CFAP77: variants seen among roughly 807,000 people sequenced by gnomAD.
CFAP77 encodes the protein cilia- and flagella-associated protein 77.
Under a neutral mutation model 31.1 loss-of-function variants are expected in CFAP77, and 25 were observed. The ratio of observed to expected loss-of-function variants is 0.80; its 90% CI spans 0.59 to 1.12. The LOEUF (loss-of-function observed/expected upper bound fraction) is 1.12. CFAP77 is among the 50% of genes most tolerant of loss of function. The probability of loss-of-function intolerance (pLI) is 0.00; values close to 1 mark genes in which losing one functional copy is unlikely to be tolerated. For synonymous variants in CFAP77, 151 were observed against 159.9 expected, an observed-to-expected ratio of 0.94 and a Z score of 0.42; for missense variants, 377 against 397.3, an observed-to-expected ratio of 0.95 and a Z score of 0.44.
At position 132,564,503 on chromosome 9, in the gene CFAP77, C is replaced by A. The variant is rs1478286374; in HGVS notation, c.733-7885C>A. 2.0e-5 allele frequency among the ~76,000 whole-genome samples: 3 copies of A among 151,972 alleles called. No homozygotes were observed. The highest frequency in any genetic ancestry group is 4.4e-5 in the Non-Finnish European group (3 of 68,012). ...ATAACTTAGCGATCAAAGGAGAAAT[C>A]CAAACAGAAATTAGATAGAAATTAG... is the stretch of plus-strand genomic sequence containing the variant. On this transcript the variant is annotated intron_variant, in intron 5 of 5. Coordinates refer to ENST00000393216, the MANE Select transcript of CFAP77 (RefSeq NM_001282957.2). This position sits in a 1 kb window ranked among gnomAD's most constrained non-coding sequence, Gnocchi z 4.6.
chr9:132,474,813 G>A (rs1047020136), intron 1 of CFAP77, among the ~76,000 whole-genome samples: 3 of 152,308 alleles, frequency 2.0e-5, no homozygotes, highest in African/African-American at 7.2e-5. Flanking sequence ...AATTGGATCC[G>A]ACGGCTTATG....
At position 132,564,194 on chromosome 9, in the gene CFAP77, T is replaced by C. The variant is rs1829857600; in HGVS notation, c.733-8194T>C. ...ACAATGGATGGTCAATAAATAAGCA[T>C]TGAATAAAATCATGAATACATAAAT... On this transcript the variant is annotated intron_variant, in intron 5 of 5. Transcript: ENST00000393216. This position sits in a 1 kb window ranked among gnomAD's most constrained non-coding sequence, Gnocchi z 4.6. Among the ~76,000 whole-genome samples the C allele has an allele frequency of 2.6e-5, 4 of 152,196 alleles. No individual in the cohort carries two copies. The South Asian group carries it at 6.2e-4, about 24-fold the overall frequency.
intron 1 of CFAP77, among the ~76,000 whole-genome samples, chr9:132,411,330 C>T (rs1441435237): frequency 1.3e-5 from 2 of 152,224 alleles, no homozygotes; most frequent in African/African-American, 4.8e-5. Flanking sequence ...GATTCAACAA[C>T]AATTATTTGT....
intron 3 of CFAP77, among the ~76,000 whole-genome samples, chr9:132,514,317 G>T (rs1216198042): frequency 6.9e-6 from 1 of 144,478 alleles, no homozygotes; most frequent in Non-Finnish European, 1.5e-5. Flanking sequence ...CTCCTGGTCA[G>T]GCAAAGGATG....
At chr9:132,479,922 A>G (rs1442799062) in intron 1 of CFAP77, among the ~76,000 whole-genome samples, 1 of 152,068 alleles carries the variant, frequency 6.6e-6, no homozygotes, top group Non-Finnish European at 1.5e-5. Context: ...CAAGCAGGAG[A>G]GTGGCAGTGG....
chr9:132,439,793 G>T (rs1045304819), intron 1 of CFAP77, among the ~76,000 whole-genome samples: 4 of 149,040 alleles, frequency 2.7e-5, no homozygotes, highest in Non-Finnish European at 5.9e-5. Flanking sequence ...AGCTTGTAGT[G>T]AGCCGAGATC....
At position 132,521,778 on chromosome 9, in the gene CFAP77, T is replaced by TTTTTTTTTTTTTTTTTTTTG. The variant is rs533275755; in HGVS notation, c.525-15817_525-15816insTTTTTTTTTTTTTGTTTTTT. Among the ~76,000 whole-genome samples, 114 of 106,146 alleles carry TTTTTTTTTTTTTTTTTTTTG rather than the reference T, an allele frequency of 1.1e-3. 1 individual carries two copies. The highest frequency in any genetic ancestry group is 2.1e-3 in the African/African-American group (54 of 26,046). The allele number at this position is 106,146 out of a possible 152,430, so 69.6% of individuals were successfully genotyped here. A position where few individuals can be genotyped will look rare whatever the true frequency, so the allele number is the denominator to read the frequency against. ...ATAGACTTGCTTTTTTTTTTTTTTT[T>TTTTTTTTTTTTTTTTTTTTG]TTTTTTGAGATGAAGTCTCACTCTG... On this transcript the variant is annotated intron_variant, in intron 3 of 5. Transcript: ENST00000393216.
At chr9:132,425,518 G>C (rs554556717) in intron 1 of CFAP77, among the ~76,000 whole-genome samples, 14 of 152,180 alleles carry the variant, frequency 9.2e-5, no homozygotes, top group Admixed American at 2.0e-4. Context: ...TTTCTTAGCA[G>C]AACAAAGAAG....
chr9:132,561,220 G>A (rs1419731077), intron 5 of CFAP77, among the ~76,000 whole-genome samples: 1 of 152,130 alleles, frequency 6.6e-6, no homozygotes, highest in Non-Finnish European at 1.5e-5. Flanking sequence ...CTCATTAGAG[G>A]AGACAGCCTC....
intron 5 of CFAP77, among the ~76,000 whole-genome samples, chr9:132,570,682 T>C (rs2119115116): frequency 6.6e-6 from 1 of 152,250 alleles, no homozygotes; most frequent in Admixed American, 6.5e-5. Context: ...AAGAACATGG[T>C]TATTCCTGGA....
chr9:132,544,534 C>T (rs1196713782), intron 5 of CFAP77, among the ~76,000 whole-genome samples: 1 of 147,412 alleles, frequency 6.8e-6, no homozygotes, highest in East Asian at 2.0e-4. Context: ...CTCACTCTGT[C>T]ACCCAGGCTG....
intron 3 of CFAP77, 76 bp from the exon 4 acceptor site, chr9:132,537,525 C>CG: frequency 9.3e-7 from 1 of 1,069,780 alleles, no homozygotes; most frequent in Non-Finnish European, 1.4e-6. Context: ...AGGAGGCTCC[C>CG]GGGGGCGGGC....
At chr9:132,463,882 G>A (rs1257087897) in intron 1 of CFAP77, among the ~76,000 whole-genome samples, 1 of 152,230 alleles carries the variant, frequency 6.6e-6, no homozygotes, top group African/African-American at 2.4e-5. Context: ...TGGCCTGGAA[G>A]GGCCCTGAAC....
At position 132,497,918 on chromosome 9, in the gene CFAP77, A is replaced by G. The variant is rs1350338113; in HGVS notation, c.196-777A>G. On this transcript the variant is annotated intron_variant, in intron 1 of 5. Coordinates refer to ENST00000393216, the MANE Select transcript of CFAP77 (RefSeq NM_001282957.2). The surrounding 1 kb of genome is among the most constrained non-coding windows in gnomAD (Gnocchi z 4.9). ...GAGACCGCGTGGCAGGATGATCAAG[A>G]GCGCCAGTCAAGAGGACAGGCACGC... Among the ~76,000 whole-genome samples the G allele has an allele frequency of 6.6e-6, 1 of 152,110 alleles. No homozygotes were observed. The highest frequency in any genetic ancestry group is 2.4e-5 in the African/African-American group (1 of 41,424).
chr9:132,467,609 G>A (rs184843364), intron 1 of CFAP77, among the ~76,000 whole-genome samples: 12 of 152,270 alleles, frequency 7.9e-5, no homozygotes, highest in African/African-American at 2.9e-4. Context: ...ATGGACACTT[G>A]GGTTGTTTCC....
intron 3 of CFAP77, among the ~76,000 whole-genome samples, chr9:132,537,079 T>C (rs924394712): frequency 5.9e-5 from 9 of 151,910 alleles, no homozygotes; most frequent in African/African-American, 2.2e-4. Flanking sequence ...CAGTTCCAGA[T>C]ACAACAGAAG....
chr9:132,525,311 C>T (rs1009803680), intron 3 of CFAP77, among the ~76,000 whole-genome samples: 5 of 152,128 alleles, frequency 3.3e-5, no homozygotes, highest in South Asian at 4.1e-4. Flanking sequence ...TGAGCCACCA[C>T]GCTCGGCCCC....
At chr9:132,459,831 ATG>A (rs985509387) in intron 1 of CFAP77, among the ~76,000 whole-genome samples, 5 of 145,412 alleles carry the variant, frequency 3.4e-5, no homozygotes, top group Admixed American at 1.4e-4. Context: ...GAGTGTGCGT[ATG>A]TGTGGGAGTA....
At chr9:132,535,363 T>C (rs1852525167) in intron 3 of CFAP77, among the ~76,000 whole-genome samples, 1 of 152,224 alleles carries the variant, frequency 6.6e-6, no homozygotes, top group Non-Finnish European at 1.5e-5. Flanking sequence ...TTCCTCATGG[T>C]TCTTTTTATC....
Sources: gnomAD v4.1 joint callset for allele counts (sites outside exome capture counted in the v4.1 genomes callset) on GRCh38, gnomAD v4.1.1 for gene constraint, Gnocchi (gnomAD v3.1) non-coding constraint, MANE v1.5 for transcripts, NCBI Gene and HGNC (gene_info 2026-07-23, HGNC 2026-07-21) for gene names.